DHRSX: variants seen among roughly 807,000 people sequenced by gnomAD.
DHRSX encodes the protein dehydrogenase/reductase X-linked.
In DHRSX, 31 loss-of-function variants were observed where a neutral mutation model predicts 34.0. The ratio of observed to expected loss-of-function variants is 0.91; its 90% CI spans 0.69 to 1.23. The LOEUF (loss-of-function observed/expected upper bound fraction) is 1.23, where lower values mean the gene tolerates loss of function less well. DHRSX is among the 50% of genes most tolerant of loss of function. The pLI, the probability that DHRSX is intolerant of heterozygous loss-of-function variation, is 0.00. For synonymous variants in DHRSX, 201 were observed against 183.8 expected (o/e 1.09, Z -0.76); for missense variants, 414 against 428.1 (o/e 0.97, Z 0.29).
intron 1 of DHRSX, among the ~76,000 whole-genome samples, chrX:2,440,664 G>C (rs2044051670): frequency 1.3e-5 from 2 of 151,812 alleles, no homozygotes; most frequent in Non-Finnish European, 2.9e-5. Context: ...GGGTCTTTGG[G>C]TTTTGGACCG....
intron 1 of DHRSX, among the ~76,000 whole-genome samples, chrX:2,497,302 A>T (rs1457359424): frequency 6.6e-6 from 1 of 152,218 alleles, no homozygotes; most frequent in Non-Finnish European, 1.5e-5. Flanking sequence ...CTGAGGCAGG[A>T]GAATCGCTTG....
chrX:2,415,227 C>T (rs2043679294), intron 2 of DHRSX, among the ~76,000 whole-genome samples: 1 of 150,722 alleles, frequency 6.6e-6, no homozygotes, highest in African/African-American at 2.4e-5. Context: ...GACCAATGCA[C>T]TAGACCTCAT....
Position 2,315,307 on chromosome X carries a change from C to A in DHRSX, c.287-23704G>T, listed in dbSNP as rs1027056474. On this transcript the variant is annotated intron_variant, in intron 3 of 6. Coordinates refer to ENST00000334651, the MANE Select transcript of DHRSX (RefSeq NM_145177.3). ...GTGCACCAGGCAAGTGGACACCAGT[C>A]CAGTTTGGCAACAAAACAGGCATCA... is the stretch of plus-strand genomic sequence containing the variant. Among the ~76,000 whole-genome samples, 46 of 152,202 alleles carry A rather than the reference C, an allele frequency of 3.0e-4. 1 individual carries two copies. The highest frequency in any genetic ancestry group is 1.5e-3 in the South Asian group (7 of 4,824).
rs747498017 is a variant in DHRSX at position 2,360,581 on chromosome X, T to TCAA, written c.286+48161_286+48163dup. Reference sequence around the variant, plus strand: ...CTGGGCAACAGAGTGAGACTCTGTTTCAACAACAACAACAAAAAAATACAC... The same window carrying TCAA: ...CTGGGCAACAGAGTGAGACTCTGTTTCAACAACAACAACAACAAAAAAATACAC... On this transcript the variant is annotated intron_variant, in intron 3 of 6. Transcript: ENST00000334651. Among the ~76,000 whole-genome samples, 460 of 151,964 alleles carry TCAA rather than the reference T, an allele frequency of 3.0e-3. 2 individuals carry two copies. Among genetic ancestry groups the TCAA allele is most frequent in the Non-Finnish European group, 5.4e-3 (366 of 67,952 alleles).
chrX:2,270,961 C>G (rs1669738226), intron 4 of DHRSX, among the ~76,000 whole-genome samples: 1 of 150,482 alleles, frequency 6.6e-6, no homozygotes, highest in Non-Finnish European at 1.5e-5. Flanking sequence ...CCAATCAGCA[C>G]TCTGTAAAAT....
chrX:2,369,316 A>G (rs1366768777), intron 3 of DHRSX, among the ~76,000 whole-genome samples: 3 of 152,170 alleles, frequency 2.0e-5, no homozygotes, highest in Non-Finnish European at 2.9e-5. Context: ...AACTCTCACC[A>G]CTAATTGGTG....
At chrX:2,228,896 T>C (rs1226406857) in intron 6 of DHRSX, among the ~76,000 whole-genome samples, 1 of 152,108 alleles carries the variant, frequency 6.6e-6, no homozygotes, top group Admixed American at 6.6e-5. Context: ...GGGCTTCCCT[T>C]TGTCCTTGGG....
At chrX:2,287,367 C>A (rs1397151286) in intron 4 of DHRSX, among the ~76,000 whole-genome samples, 1 of 151,958 alleles carries the variant, frequency 6.6e-6, no homozygotes, top group African/African-American at 2.4e-5. Context: ...ACATCCTAAT[C>A]CTCATGTGGA....
chrX:2,248,638 G>GA (rs1182956666), intron 5 of DHRSX, among the ~76,000 whole-genome samples: 2 of 111,362 alleles, frequency 1.8e-5, no homozygotes, highest in African/African-American at 6.2e-5. Context: ...AAAAAGAAAA[G>GA]AAAAGAAAAA....
chrX:2,348,292 A>G (rs1300446863), intron 3 of DHRSX, among the ~76,000 whole-genome samples: 1 of 152,168 alleles, frequency 6.6e-6, no homozygotes, highest in Non-Finnish European at 1.5e-5. Flanking sequence ...AGTGATCACT[A>G]AGCTTGGTGC....
chrX:2,385,108 A>ATGTG (rs1273797831), intron 3 of DHRSX, among the ~76,000 whole-genome samples: 3,352 of 122,606 alleles, frequency 0.027, 48 homozygotes, highest in African/African-American at 0.047. Flanking sequence ...TCTCAAATAT[A>ATGTG]TATGTGTGTG....
intron 1 of DHRSX, among the ~76,000 whole-genome samples, chrX:2,465,554 G>A (rs780541683): frequency 6.6e-6 from 1 of 152,096 alleles, no homozygotes; most frequent in African/African-American, 2.4e-5. Context: ...TGTCATCCGA[G>A]CACTTTGGGA....
intron 6 of DHRSX, among the ~76,000 whole-genome samples, chrX:2,224,884 C>T (rs2015607241): frequency 7.3e-6 from 1 of 137,634 alleles, no homozygotes; most frequent in Non-Finnish European, 1.5e-5. Context: ...CTCACACGCA[C>T]ACATGCTCAC....
intron 1 of DHRSX, among the ~76,000 whole-genome samples, chrX:2,464,000 GCTAAGA>G (rs1302178932): frequency 6.6e-6 from 1 of 151,936 alleles, no homozygotes; most frequent in Non-Finnish European, 1.5e-5. Flanking sequence ...GAAGACATTC[GCTAAGA>G]ATATGGCTAA....
chrX:2,226,712 G>A (rs752745237), intron 6 of DHRSX, among the ~76,000 whole-genome samples: 49 of 151,694 alleles, frequency 3.2e-4, no homozygotes, highest in South Asian at 3.1e-3. Context: ...GGAGAATGGC[G>A]TGAACCCGGG....
At chrX:2,396,765 C>CT (rs71309495) in intron 3 of DHRSX, among the ~76,000 whole-genome samples, 8,890 of 128,098 alleles carry the variant, frequency 0.069, 839 homozygotes, top group African/African-American at 0.21. Flanking sequence ...CTGTGTCTCC[C>CT]TTTTTTTTTT....
intron 3 of DHRSX, among the ~76,000 whole-genome samples, chrX:2,299,014 ATGG>A (rs2041980189): frequency 1.5e-5 from 2 of 131,538 alleles, no homozygotes; most frequent in African/African-American, 6.2e-5. Context: ...AAAAAAAAAA[ATGG>A]GAAAAATGTG....
intron 2 of DHRSX, among the ~76,000 whole-genome samples, chrX:2,414,157 A>G (rs1312490144): frequency 6.6e-6 from 1 of 151,952 alleles, no homozygotes; most frequent in Non-Finnish European, 1.5e-5. Context: ...ACTGACTATG[A>G]CTAGATTTCA....
intron 5 of DHRSX, among the ~76,000 whole-genome samples, chrX:2,257,922 C>T (rs1412707104): frequency 3.9e-5 from 6 of 152,154 alleles, no homozygotes; most frequent in African/African-American, 1.2e-4. Context: ...CCACCATGCC[C>T]GGCCGGAGAT....
Sources: gnomAD v4.1 joint callset for allele counts (sites outside exome capture counted in the v4.1 genomes callset) on GRCh38, gnomAD v4.1.1 for gene constraint, MANE v1.5 for transcripts, NCBI Gene and HGNC (gene_info 2026-07-23, HGNC 2026-07-21) for gene names.